LARGE1: variants seen among roughly 807,000 people sequenced by gnomAD.
LARGE1 encodes the protein LARGE xylosyl- and glucuronyltransferase 1.
Under a neutral mutation model 87.6 loss-of-function variants are expected in LARGE1, and 43 were observed. The ratio of observed to expected loss-of-function variants is 0.49; its 90% CI spans 0.38 to 0.63. The LOEUF (loss-of-function observed/expected upper bound fraction) is 0.63, where lower values mean the gene tolerates loss of function less well. Ranked by LOEUF, LARGE1 falls within the 30% of genes least tolerant of loss-of-function variation. The probability of loss-of-function intolerance (pLI) is 0.00; values close to 1 mark genes in which losing one functional copy is unlikely to be tolerated. For synonymous variants in LARGE1, 434 were observed against 394.6 expected (o/e 1.10, Z -1.18); for missense variants, 802 against 1,000.2 (o/e 0.80, Z 2.67).
At chr22:33,653,123 AG>A (rs2080868396) in intron 2 of LARGE1, among the ~76,000 whole-genome samples, 1 of 152,172 alleles carries the variant, frequency 6.6e-6, no homozygotes, top group Non-Finnish European at 1.5e-5. Flanking sequence ...CCCTTTGAGC[AG>A]GGGTGGGTAA....
chr22:33,432,382 A>T, intron 6 of LARGE1, 117 bp from the exon 7 acceptor site: 1 of 787,612 alleles, frequency 1.3e-6, no homozygotes, highest in African/African-American at 1.7e-5. Context: ...TCACTTACTG[A>T]GAGGTTTTAT....
chr22:33,799,973 G>A (rs1215384304), intron 1 of LARGE1, among the ~76,000 whole-genome samples: 1 of 152,144 alleles, frequency 6.6e-6, no homozygotes, highest in Non-Finnish European at 1.5e-5. Flanking sequence ...CAGGAAATAG[G>A]GAAGAAGAAG....
intron 4 of LARGE1, among the ~76,000 whole-genome samples, chr22:33,613,303 C>T (rs1214441493): frequency 3.3e-5 from 5 of 152,142 alleles, no homozygotes; most frequent in Admixed American, 2.0e-4. Context: ...TCCTTTTAGG[C>T]TCACCAAACC....
intron 7 of LARGE1, among the ~76,000 whole-genome samples, chr22:33,400,536 G>A (rs1259431683): frequency 1.3e-5 from 2 of 152,284 alleles, no homozygotes; most frequent in African/African-American, 4.8e-5. Context: ...TAATGAATCT[G>A]CCTCTCTCTA....
chr22:33,268,366 C>T (rs4821139), downstream of LARGE1, among the ~76,000 whole-genome samples: 102,320 of 151,050 alleles, frequency 0.68, 36,082 homozygotes, highest in African/African-American at 0.88. Context: ...ATAATAAACA[C>T]GCATTCTAAC....
chr22:33,813,817 A>C (rs754354312), intron 1 of LARGE1, among the ~76,000 whole-genome samples: 11 of 152,158 alleles, frequency 7.2e-5, no homozygotes, highest in Non-Finnish European at 1.2e-4. Flanking sequence ...TTCAGCCTTA[A>C]ATACCTTATA....
intron 2 of LARGE1, among the ~76,000 whole-genome samples, chr22:33,676,836 T>A (rs956920744): frequency 2.0e-5 from 3 of 152,096 alleles, no homozygotes; most frequent in African/African-American, 7.2e-5. Context: ...TACAGACACA[T>A]GTAGAGAGCA....
At chr22:33,297,220 G>T (rs1049526422) in intron 12 of LARGE1, among the ~76,000 whole-genome samples, 1 of 152,188 alleles carries the variant, frequency 6.6e-6, no homozygotes, top group African/African-American at 2.4e-5. Flanking sequence ...GGGGTAGGTG[G>T]TTAGATGTCA....
chr22:33,857,289 C>G (rs565007184), intron 1 of LARGE1, among the ~76,000 whole-genome samples: 4 of 151,962 alleles, frequency 2.6e-5, no homozygotes, highest in Non-Finnish European at 5.9e-5. Flanking sequence ...AGCTGGAAGC[C>G]AAAAGGAACA....
intron 2 of LARGE1, among the ~76,000 whole-genome samples, chr22:33,673,622 C>A (rs796539800): frequency 1.8e-4 from 28 of 152,338 alleles, no homozygotes; most frequent in African/African-American, 6.7e-4. Context: ...CAGCCATCAT[C>A]ACTATCCATC....
intron 11 of LARGE1, among the ~76,000 whole-genome samples, chr22:33,226,688 A>G (rs997578793): frequency 2.0e-5 from 3 of 151,988 alleles, no homozygotes; most frequent in Non-Finnish European, 4.4e-5. Flanking sequence ...GCACCCACCT[A>G]TGATGAAGAT....
At chr22:33,130,354 G>A in the LARGE1 span, among the ~76,000 whole-genome samples, 3 of 131,730 alleles carry the variant, frequency 2.3e-5, no homozygotes, top group African/African-American at 9.2e-5. Context: ...AGCAGGCATG[G>A]TGGTGCATTC....
At chr22:33,107,389 C>G in the LARGE1 span, among the ~76,000 whole-genome samples, 1 of 151,536 alleles carries the variant, frequency 6.6e-6, no homozygotes, top group Non-Finnish European at 1.5e-5. Context: ...CATGGCAAAA[C>G]CCCATCTCTA....
chr22:33,822,835 C>T (rs1046993678), intron 1 of LARGE1, among the ~76,000 whole-genome samples: 2 of 152,178 alleles, frequency 1.3e-5, no homozygotes, highest in Non-Finnish European at 2.9e-5. Flanking sequence ...TCCTCAGCGC[C>T]TGGAAGTGAG....
At chr22:33,657,097 T>C (rs974376824) in intron 2 of LARGE1, 2 of 152,256 alleles carry the variant, frequency 1.3e-5, no homozygotes, top group Admixed American at 1.3e-4. Flanking sequence ...GACTCATTAA[T>C]GCAGGCAGGG....
chr22:33,423,347 T>C (rs1361547053), intron 7 of LARGE1, among the ~76,000 whole-genome samples: 6 of 152,002 alleles, frequency 3.9e-5, no homozygotes, highest in African/African-American at 1.4e-4. Context: ...ACTCTTTATA[T>C]TAAAGCCAGG....
At chr22:33,282,346 AAAAACAAACAAAC>A (rs370181045) in intron 13 of LARGE1, among the ~76,000 whole-genome samples, 9,471 of 151,180 alleles carry the variant, frequency 0.063, 324 homozygotes, top group Middle Eastern at 0.13. Flanking sequence ...GCTCTGTCTC[AAAAACAAACAAAC>A]AAAACAAACA....
intron 2 of LARGE1, among the ~76,000 whole-genome samples, chr22:33,735,750 G>A (rs1001213): frequency 0.064 from 9,812 of 152,138 alleles, 374 homozygotes; most frequent in East Asian, 0.21. Flanking sequence ...ATCTAATTCC[G>A]TAGCATTTTA....
At position 33,689,145 on chromosome 22, in the gene LARGE1, G is replaced by GTCTCTCTCTC. The variant is rs3072287; in HGVS notation, c.107-38487_107-38478dup. On this transcript the variant is annotated intron_variant, in intron 2 of 14. Transcript: ENST00000397394. ...TACTGCAAGGGCTGACAAATTTACT[G>GTCTCTCTCTC]TCTCTCTCTCTCTCTCTCTCTCCCC... Among the ~76,000 whole-genome samples, 1,651 of 147,590 alleles carry GTCTCTCTCTC rather than the reference G, an allele frequency of 0.011. 86 individuals carry two copies. In the East Asian group the frequency reaches 0.17, roughly 15 times the overall value.
Sources: allele counts gnomAD v4.1 joint callset (sites outside exome capture counted in the v4.1 genomes callset), GRCh38; gene constraint gnomAD v4.1.1; transcripts MANE v1.5; gene names NCBI Gene and HGNC (gene_info 2026-07-23, HGNC 2026-07-21).